The following ATXN7 variants were observed in gnomAD, a reference collection of about 807,000 sequenced individuals.
ATXN7 encodes the protein ataxin 7, also known as ataxin-7.
In ATXN7, 12 loss-of-function variants were observed where a neutral mutation model predicts 70.5. The observed-to-expected ratio is 0.17, with a 90% CI of 0.11 to 0.28. The LOEUF (loss-of-function observed/expected upper bound fraction) is 0.28, where lower values mean the gene tolerates loss of function less well. ATXN7 is among the 10% of genes least tolerant of loss of function. ATXN7 has a pLI of 1.00. For missense variants in ATXN7, 1,256 were observed against 1,131.7 expected (o/e 1.11, Z -1.58); for synonymous variants, 498 against 448.7 (o/e 1.11, Z -1.39).
At chr3:63,990,588 T>G in intron 10 of ATXN7, 150 bp from the exon 11 acceptor site, 1 of 1,315,740 alleles carries the variant, frequency 7.6e-7, no homozygotes, top group Non-Finnish European at 1.1e-6. Context: ...CGCTCAGGGC[T>G]AGGCATTGTC....
At chr3:63,994,977 T>G (rs528723665) in intron 11 of ATXN7, among the ~76,000 whole-genome samples, 2 of 152,248 alleles carry the variant, frequency 1.3e-5, no homozygotes, top group African/African-American at 4.8e-5. Flanking sequence ...CCAATAGTTA[T>G]GACCTAGCAG....
intron 4 of ATXN7, among the ~76,000 whole-genome samples, chr3:63,937,437 A>G (rs534045985): frequency 2.6e-4 from 40 of 152,334 alleles, no homozygotes; most frequent in Admixed American, 1.4e-3. Context: ...CCCCTACTCA[A>G]ATCATTTTCA....
At position 63,999,589 on chromosome 3, in the gene ATXN7, A is replaced by G. The variant is rs1372854442; in HGVS notation, c.*122A>G. On this transcript the variant is annotated 3_prime_UTR_variant, in exon 13 of 13. Coordinates refer to ENST00000674280, the MANE Select transcript of ATXN7 (RefSeq NM_001377405.1). ...GTTTTCCCAACCTCCTGTGGGCCTC[A>G]AGGGTAGAAACCTGCCGGGCTGTTG... 6.5e-7 allele frequency: 1 copy of G among 1,532,892 alleles called. No individual in the cohort carries two copies. Among genetic ancestry groups the G allele is most frequent in the East Asian group, 2.4e-5 (1 of 41,736 alleles). The allele number at this position is 1,532,892 out of a possible 1,614,324, so 95.0% of individuals were successfully genotyped here. A position where few individuals can be genotyped will look rare whatever the true frequency, so the allele number is the denominator to read the frequency against.
chr3:63,892,494 CCCA>C lies in ATXN7; in HGVS notation c.-110-5903_-110-5901del, dbSNP rs1703308022. On this transcript the variant is annotated intron_variant, in intron 1 of 12. Coordinates refer to ENST00000674280, the MANE Select transcript of ATXN7 (RefSeq NM_001377405.1). ...ACACACACACACACACACACACACA[CCCA>C]CACACACACACACACACCCCAACTC... Among the ~76,000 whole-genome samples the C allele has an allele frequency of 4.0e-4, 58 of 145,236 alleles. 1 individual carries two copies. In the South Asian group the frequency reaches 6.7e-3, roughly 17 times the overall value.
chr3:63,976,556 TTTAAC>T (rs772279075), intron 5 of ATXN7, among the ~76,000 whole-genome samples: 2 of 152,242 alleles, frequency 1.3e-5, no homozygotes, highest in South Asian at 2.1e-4. Context: ...TCAGCAGACT[TTTAAC>T]TTAAGAAGCT....
chr3:63,919,371 T>C (rs560401255), intron 4 of ATXN7, among the ~76,000 whole-genome samples: 2 of 152,186 alleles, frequency 1.3e-5, no homozygotes, highest in South Asian at 4.1e-4. Flanking sequence ...ATGAATTCCT[T>C]GGTTGATAAA....
chr3:63,879,554 C>T (rs1280959235), intron 1 of ATXN7, among the ~76,000 whole-genome samples: 9 of 149,716 alleles, frequency 6.0e-5, no homozygotes, highest in Admixed American at 1.3e-4. Flanking sequence ...TACAGTGGCG[C>T]GATCTCGGCT....
chr3:63,956,136 T>C (rs1475816336), intron 5 of ATXN7, among the ~76,000 whole-genome samples: 1 of 152,198 alleles, frequency 6.6e-6, no homozygotes, highest in Non-Finnish European at 1.5e-5. Flanking sequence ...TAGTTTGCTT[T>C]CTTGGAAACT....
At position 64,001,704 on chromosome 3, in the gene ATXN7, T is replaced by G. The variant is rs1480393691; in HGVS notation, c.*2237T>G. On this transcript the variant is annotated 3_prime_UTR_variant, in exon 13 of 13. Transcript: ENST00000674280. ...TACACAGAGCATCGGGATTAGGAAA[T>G]TAGCCATTTTGGATTCTGTCTGCCA... The G allele has an allele frequency of 6.6e-6, 1 of 152,224 alleles. No individual in the cohort carries two copies. The highest frequency in any genetic ancestry group is 2.4e-5 in the African/African-American group (1 of 41,448). The allele number at this position is 152,224 out of a possible 1,614,324, so 9.4% of individuals were successfully genotyped here.
intron 4 of ATXN7, among the ~76,000 whole-genome samples, chr3:63,935,755 CG>C (rs1470851663): frequency 3.3e-5 from 5 of 151,732 alleles, no homozygotes; most frequent in African/African-American, 1.2e-4. Flanking sequence ...TTAGTACCAA[CG>C]TTTTTTTTTT....
intron 10 of ATXN7, 147 bp downstream of exon 10, chr3:63,990,521 G>C: frequency 8.5e-7 from 1 of 1,174,722 alleles, no homozygotes. Context: ...TGCCCCAGAG[G>C]CAGCACACAC....
intron 1 of ATXN7, among the ~76,000 whole-genome samples, chr3:63,870,943 C>T (rs995333046): frequency 3.3e-5 from 5 of 152,300 alleles, no homozygotes; most frequent in East Asian, 1.9e-4. Context: ...TAATTTCATC[C>T]GGCCATCACT....
At chr3:63,863,734 C>A (rs1702303334), upstream of ATXN7, 9 of 1,248,834 alleles carry the variant, frequency 7.2e-6, no homozygotes, top group Non-Finnish European at 8.0e-6. Flanking sequence ...CCCAGCGGGC[C>A]GTGCAGCGGG....
chr3:63,930,854 C>G (rs1346802155), intron 4 of ATXN7, among the ~76,000 whole-genome samples: 1 of 151,918 alleles, frequency 6.6e-6, no homozygotes, highest in Admixed American at 6.6e-5. Context: ...TTAATGGATT[C>G]GAATGTATCT....
At chr3:63,994,231 T>G (rs1284324051) in intron 11 of ATXN7, among the ~76,000 whole-genome samples, 1 of 152,104 alleles carries the variant, frequency 6.6e-6, no homozygotes, top group Non-Finnish European at 1.5e-5. Flanking sequence ...TTGGGTTTTT[T>G]TGTTTGTTTT....
At position 63,871,335 on chromosome 3, in the gene ATXN7, T is replaced by A. The variant is rs992380216; in HGVS notation, c.-111+7177T>A. 2.0e-5 allele frequency among the ~76,000 whole-genome samples: 3 copies of A among 152,330 alleles called. No homozygotes were observed. The East Asian group carries it at 5.8e-4, about 29-fold the overall frequency. On this transcript the variant is annotated intron_variant, in intron 1 of 12. Coordinates refer to ENST00000674280, the MANE Select transcript of ATXN7 (RefSeq NM_001377405.1). ...ATATATAGATATTAGAGGTGTAAAATGTGTTCTTACTTTTAGCATTTAAGG... is the reference window on the plus strand; with the variant it reads ...ATATATAGATATTAGAGGTGTAAAAAGTGTTCTTACTTTTAGCATTTAAGG...
intron 5 of ATXN7, among the ~76,000 whole-genome samples, chr3:63,976,258 C>T (rs1200372678): frequency 6.6e-6 from 1 of 152,206 alleles, no homozygotes; most frequent in Non-Finnish European, 1.5e-5. Context: ...TCCAACTCAA[C>T]TACAATAAAT....
chr3:63,981,188 G>A (rs944776572), intron 6 of ATXN7, among the ~76,000 whole-genome samples: 3 of 152,182 alleles, frequency 2.0e-5, no homozygotes, highest in Non-Finnish European at 4.4e-5. Flanking sequence ...GTGACATCTT[G>A]CAGTCTCTCT....
At chr3:63,887,845 T>A (rs951662662) in intron 1 of ATXN7, among the ~76,000 whole-genome samples, 2 of 151,792 alleles carry the variant, frequency 1.3e-5, no homozygotes, top group African/African-American at 2.4e-5. Context: ...AGTGCTGGGA[T>A]TACAGATGTG....
Sources: gnomAD v4.1 joint callset for allele counts (sites outside exome capture counted in the v4.1 genomes callset) on GRCh38, gnomAD v4.1.1 for gene constraint, MANE v1.5 for transcripts, NCBI Gene and HGNC (gene_info 2026-07-23, HGNC 2026-07-21) for gene names.